The following CNTNAP2 variants were observed in gnomAD, a reference collection of about 807,000 sequenced individuals.
The protein encoded by CNTNAP2 is contactin associated protein 2.
A neutral mutation model predicts 155.2 loss-of-function variants in CNTNAP2; 98 were observed. The ratio of observed to expected loss-of-function variants is 0.63; its 90% confidence interval spans 0.54 to 0.75. The LOEUF is 0.75. Among genes scored for constraint, CNTNAP2 ranks in the 30% least tolerant of loss-of-function variants. The pLI, the probability that CNTNAP2 is intolerant of heterozygous loss-of-function variation, is 0.00. For synonymous variants in CNTNAP2, 651 were observed against 631.2 expected (o/e 1.03, Z -0.47); for missense variants, 1,727 against 1,688.1 (o/e 1.02, Z -0.40).
At chr7:146,325,047 G>A (rs371567301) in intron 1 of CNTNAP2, among the ~76,000 whole-genome samples, 4 of 151,974 alleles carry the variant, frequency 2.6e-5, no homozygotes, top group East Asian at 3.9e-4. Flanking sequence ...CGATCCTCCC[G>A]CCTGAGCCTC....
chr7:147,570,293 TGAA>T (rs1248723716), intron 12 of CNTNAP2, among the ~76,000 whole-genome samples: 1 of 152,180 alleles, frequency 6.6e-6, no homozygotes, highest in African/African-American at 2.4e-5. Flanking sequence ...GCTAGAATCT[TGAA>T]GACCATTTTA....
rs145649329 is a variant in CNTNAP2, at chr7:146,173,374, G to A, written c.97+56401G>A. ...GTGTTTTTAATAATTGAATTTTCCA[G>A]TTTGTTTGCTGTAAACATTGACCAT... is the stretch of plus-strand genomic sequence containing the variant. On this transcript the variant is annotated intron_variant, in intron 1 of 23. Coordinates refer to ENST00000361727, the MANE Select transcript of CNTNAP2 (RefSeq NM_014141.6). Among the ~76,000 whole-genome samples, 15 of 152,084 alleles carry A rather than the reference G, an allele frequency of 9.9e-5. 1 individual carries two copies. In the East Asian group the frequency reaches 2.9e-3, roughly 29 times the overall value.
chr7:147,385,854 C>A (rs1246747079), intron 9 of CNTNAP2, among the ~76,000 whole-genome samples: 1 of 152,228 alleles, frequency 6.6e-6, no homozygotes, highest in Non-Finnish European at 1.5e-5. Context: ...CCTCTGACCC[C>A]ACATTTCCCT....
chr7:148,380,491 C>A (rs913256881), intron 21 of CNTNAP2, among the ~76,000 whole-genome samples: 3 of 152,192 alleles, frequency 2.0e-5, no homozygotes, highest in Admixed American at 2.0e-4. Context: ...GCAGTTTTAA[C>A]AACCATTTAC....
chr7:147,686,401 A>G (rs574810151), intron 13 of CNTNAP2, among the ~76,000 whole-genome samples: 1 of 152,230 alleles, frequency 6.6e-6, no homozygotes, highest in East Asian at 1.9e-4. Context: ...CAAAATAAAT[A>G]TCCAAGTGAG....
chr7:146,479,329 C>T (rs1796925487), intron 1 of CNTNAP2, among the ~76,000 whole-genome samples: 1 of 152,152 alleles, frequency 6.6e-6, no homozygotes, highest in Admixed American at 6.6e-5. Context: ...TTAAATTCAT[C>T]AGGAAAAAGG....
chr7:146,239,796 A>G (rs770937696), intron 1 of CNTNAP2, among the ~76,000 whole-genome samples: 4 of 152,226 alleles, frequency 2.6e-5, no homozygotes, highest in Non-Finnish European at 5.9e-5. Flanking sequence ...GCACTAGAAA[A>G]CCAAATCACA....
intron 3 of CNTNAP2, among the ~76,000 whole-genome samples, chr7:146,868,946 T>C (rs947242419): frequency 2.0e-5 from 3 of 152,176 alleles, no homozygotes; most frequent in African/African-American, 7.2e-5. Context: ...AGATATAGAA[T>C]CATGTCACCT....
At chr7:146,767,555 T>A (rs1164554741) in intron 1 of CNTNAP2, among the ~76,000 whole-genome samples, 3 of 152,116 alleles carry the variant, frequency 2.0e-5, no homozygotes, top group East Asian at 3.9e-4. Flanking sequence ...GAAAGATGTA[T>A]CTTATTTTCA....
At chr7:148,363,594 C>T (rs543354669) in intron 21 of CNTNAP2, among the ~76,000 whole-genome samples, 86 of 152,328 alleles carry the variant, frequency 5.6e-4, no homozygotes, top group African/African-American at 1.9e-3. Context: ...TTTGCAATCA[C>T]TGTTCCTTCT....
At chr7:148,029,856 C>T (rs1466452472) in intron 15 of CNTNAP2, among the ~76,000 whole-genome samples, 2 of 152,154 alleles carry the variant, frequency 1.3e-5, no homozygotes, top group African/African-American at 4.8e-5. Flanking sequence ...GACCAATTAT[C>T]TGCAAATACT....
chr7:147,063,012 G>A (rs144284803), intron 4 of CNTNAP2, among the ~76,000 whole-genome samples: 2 of 152,256 alleles, frequency 1.3e-5, no homozygotes, highest in East Asian at 3.9e-4. Flanking sequence ...GAGTCACGGA[G>A]CCAGAAAATG....
intron 21 of CNTNAP2, among the ~76,000 whole-genome samples, chr7:148,295,588 T>G (rs1797266251): frequency 2.9e-5 from 4 of 136,510 alleles, no homozygotes; most frequent in South Asian, 2.5e-4. Context: ...GCCTCCCGGG[T>G]TCACCCCATT....
chr7:147,263,394 T>C (rs1184447609), intron 8 of CNTNAP2, among the ~76,000 whole-genome samples: 1 of 151,380 alleles, frequency 6.6e-6, no homozygotes, highest in Non-Finnish European at 1.5e-5. Context: ...AAAAAGTCAC[T>C]TCTGACTATA....
At chr7:146,246,507 G>A (rs1799658634) in intron 1 of CNTNAP2, among the ~76,000 whole-genome samples, 1 of 149,888 alleles carries the variant, frequency 6.7e-6, no homozygotes, top group Admixed American at 6.6e-5. Flanking sequence ...ACAGGCCCTT[G>A]AAAAGAAGGT....
intron 8 of CNTNAP2, among the ~76,000 whole-genome samples, chr7:147,157,596 C>T (rs554844882): frequency 6.6e-6 from 1 of 152,152 alleles, no homozygotes; most frequent in African/African-American, 2.4e-5. Context: ...TATTTTAATA[C>T]TGTGCAATGG....
chr7:147,505,923 G>C (rs1377226802), intron 11 of CNTNAP2, among the ~76,000 whole-genome samples: 1 of 151,956 alleles, frequency 6.6e-6, no homozygotes, highest in East Asian at 1.9e-4. Flanking sequence ...CTTGTAACGA[G>C]AATGTGTCAC....
chr7:147,476,100 T>TTTAC (rs1798315235), intron 10 of CNTNAP2, among the ~76,000 whole-genome samples: 1 of 149,742 alleles, frequency 6.7e-6, no homozygotes, highest in African/African-American at 2.5e-5. Context: ...ATTTTTTATT[T>TTTAC]TTATTTATTT....
At chr7:147,821,689 G>GA (rs1798363704) in intron 13 of CNTNAP2, among the ~76,000 whole-genome samples, 1 of 152,078 alleles carries the variant, frequency 6.6e-6, no homozygotes, top group African/African-American at 2.4e-5. Context: ...AAAAGGCCCT[G>GA]AAAAGGGAAA....
Sources: gnomAD v4.1 joint callset for allele counts (sites outside exome capture counted in the v4.1 genomes callset) on GRCh38, gnomAD v4.1.1 for gene constraint, MANE v1.5 for transcripts, NCBI Gene and HGNC (gene_info 2026-07-23, HGNC 2026-07-21) for gene names.